BCKDHB: variants seen among roughly 807,000 people sequenced by gnomAD.
BCKDHB encodes branched chain keto acid dehydrogenase E1 subunit beta.
BCKDHB carries 41 observed loss-of-function variants against 48.5 expected under a neutral mutation model. The observed-to-expected ratio is 0.85, with a 90% CI of 0.66 to 1.10. The LOEUF (loss-of-function observed/expected upper bound fraction) is 1.10. Ranked by LOEUF, BCKDHB falls within the 50% of genes least tolerant of loss-of-function variation. The pLI is 0.00. For missense variants in BCKDHB, 496 were observed against 494.2 expected (o/e 1.00, Z -0.03); for synonymous variants, 201 against 174.8 (o/e 1.15, Z -1.18).
chr6:80,332,392 C>G lies in BCKDHB; in HGVS notation c.1039-11272C>G, dbSNP rs191522590. Among the ~76,000 whole-genome samples, 415 of 152,160 alleles carry G rather than the reference C, an allele frequency of 2.7e-3. 3 individuals are homozygous for G. The highest frequency in any genetic ancestry group is 4.0e-3 in the Non-Finnish European group (271 of 68,000). On this transcript the variant is annotated intron_variant, in intron 9 of 9. Coordinates refer to ENST00000320393, the MANE Select transcript of BCKDHB (RefSeq NM_183050.4). ...AAAAAAATGAATTTAATTTTATACTCGAGACATTTCTTTAAATACTCCTGA... is the reference window on the plus strand; with the variant it reads ...AAAAAAATGAATTTAATTTTATACTGGAGACATTTCTTTAAATACTCCTGA...
At position 80,167,763 on chromosome 6, in the gene BCKDHB, C is replaced by T. The variant is rs1582272242; in HGVS notation, c.429C>T (p.Ala143=). The change falls in exon 4 of 10, where the codon GCC becomes GCT. Residue 143 remains alanine (A), a synonymous_variant. Coordinates refer to ENST00000320393, the MANE Select transcript of BCKDHB (RefSeq NM_183050.4). ...GIGIAVTGAT[A]IAEIQFADYI... ...GAATTGCGGTCACTGGAGCTACTGC[C>T]ATTGCGGAAATTCAGTTTGCAGATT... is the stretch of plus-strand genomic sequence containing the variant. The T allele has an allele frequency of 1.2e-6, 2 of 1,613,792 alleles. No homozygotes were observed. Among genetic ancestry groups the T allele is most frequent in the East Asian group, 4.5e-5 (2 of 44,856 alleles).
At chr6:80,211,049 A>G (rs1241115723) in intron 8 of BCKDHB, among the ~76,000 whole-genome samples, 1 of 152,172 alleles carries the variant, frequency 6.6e-6, no homozygotes, top group Non-Finnish European at 1.5e-5. Context: ...TGATTTTGGC[A>G]GGAGAATAAA....
chr6:80,396,835 G>A, the BCKDHB span, among the ~76,000 whole-genome samples: 1 of 152,144 alleles, frequency 6.6e-6, no homozygotes, highest in East Asian at 1.9e-4. Context: ...AAGCCATGTG[G>A]AACTGTAAAT....
At chr6:80,352,151 G>GCTGTT in the BCKDHB span, among the ~76,000 whole-genome samples, 2 of 147,298 alleles carry the variant, frequency 1.4e-5, no homozygotes, top group Non-Finnish European at 3.0e-5. Flanking sequence ...TGTTGTTGTT[G>GCTGTT]TTTTTTTTTT....
intron 3 of BCKDHB, among the ~76,000 whole-genome samples, chr6:80,130,974 C>A (rs1350932050): frequency 5.9e-5 from 9 of 152,144 alleles, no homozygotes; most frequent in Admixed American, 5.2e-4. Context: ...ATTTATTCAA[C>A]TCACTGCGTC....
intron 8 of BCKDHB, among the ~76,000 whole-genome samples, chr6:80,247,024 A>G (rs1181378495): frequency 6.6e-6 from 1 of 152,172 alleles, no homozygotes. Context: ...AAACTGCTTT[A>G]ATATTCTCCT....
chr6:80,191,273 G>C (rs974670063), intron 6 of BCKDHB, among the ~76,000 whole-genome samples: 1 of 152,026 alleles, frequency 6.6e-6, no homozygotes, highest in African/African-American at 2.4e-5. Context: ...TGTATTCCCC[G>C]TATATCTTTC....
downstream of BCKDHB, among the ~76,000 whole-genome samples, chr6:80,350,419 G>A (rs1257447441): frequency 2.6e-5 from 4 of 151,460 alleles, no homozygotes; most frequent in Admixed American, 2.6e-4. Flanking sequence ...TACTGTATAT[G>A]TCTGTATCCT....
chr6:80,242,065 T>C (rs989086699), intron 8 of BCKDHB, among the ~76,000 whole-genome samples: 5 of 152,212 alleles, frequency 3.3e-5, no homozygotes, highest in Non-Finnish European at 7.3e-5. Flanking sequence ...TTTTCTGTGG[T>C]CAAATTTATT....
chr6:80,132,489 C>T (rs1417019576), intron 3 of BCKDHB, among the ~76,000 whole-genome samples: 1 of 152,140 alleles, frequency 6.6e-6, no homozygotes, highest in Non-Finnish European at 1.5e-5. Flanking sequence ...CCCTCTCTCA[C>T]ATTAATTATT....
intron 9 of BCKDHB, among the ~76,000 whole-genome samples, chr6:80,280,772 T>C (rs1467388271): frequency 1.3e-5 from 2 of 152,220 alleles, no homozygotes; most frequent in Non-Finnish European, 2.9e-5. Flanking sequence ...GTGATTAAAC[T>C]AGGTGAGATT....
At chr6:80,363,277 C>T in the BCKDHB span, among the ~76,000 whole-genome samples, 5 of 152,172 alleles carry the variant, frequency 3.3e-5, no homozygotes, top group African/African-American at 1.2e-4. Context: ...ACCTTTTCAA[C>T]GTCCCTATTC....
intron 7 of BCKDHB, 103 bp from the exon 8 acceptor site, chr6:80,202,999 T>G: frequency 1.2e-6 from 1 of 835,040 alleles, no homozygotes; most frequent in Non-Finnish European, 2.1e-6. Context: ...GATCAGTTCC[T>G]GAGACTTTAA....
intron 6 of BCKDHB, among the ~76,000 whole-genome samples, chr6:80,183,081 A>G (rs1773487204): frequency 6.6e-6 from 1 of 152,140 alleles, no homozygotes; most frequent in African/African-American, 2.4e-5. Flanking sequence ...ATATATGTGT[A>G]TGTAGAAGAA....
chr6:80,141,808 A>G (rs1447252747), intron 3 of BCKDHB, among the ~76,000 whole-genome samples: 1 of 152,104 alleles, frequency 6.6e-6, no homozygotes, highest in African/African-American at 2.4e-5. Flanking sequence ...TCTTTGTTTT[A>G]TATTTTCATT....
At chr6:80,282,589 TTGA>T (rs1287295632) in intron 9 of BCKDHB, among the ~76,000 whole-genome samples, 11 of 152,140 alleles carry the variant, frequency 7.2e-5, no homozygotes, top group African/African-American at 2.7e-4. Context: ...AAAAGAGTAG[TTGA>T]TAACATTGTA....
rs571862678 is a variant in BCKDHB, at chr6:80,319,529, C to T, written c.1039-24135C>T. ...TTTTTTAATTCATGCCAGCTTCTCC[C>T]TCTTACTTACGGTTTAGGAGTTGCC... On this transcript the variant is annotated intron_variant, in intron 9 of 9. Transcript: ENST00000320393. Among the ~76,000 whole-genome samples the T allele has an allele frequency of 1.1e-4, 17 of 152,300 alleles. No individual in the cohort carries two copies. The South Asian group carries it at 1.9e-3, about 17-fold the overall frequency.
chr6:80,198,948 G>A (rs1214684470), intron 6 of BCKDHB, among the ~76,000 whole-genome samples: 1 of 152,170 alleles, frequency 6.6e-6, no homozygotes, highest in Non-Finnish European at 1.5e-5. Context: ...CTGCAAAGAG[G>A]CCCTGGCAAC....
chr6:80,208,553 C>G (rs916380859), intron 8 of BCKDHB, among the ~76,000 whole-genome samples: 1 of 151,582 alleles, frequency 6.6e-6, no homozygotes, highest in Non-Finnish European at 1.5e-5. Flanking sequence ...AATTGATAAA[C>G]TTTTAACTAA....
Sources: allele counts gnomAD v4.1 joint callset (sites outside exome capture counted in the v4.1 genomes callset), GRCh38; gene constraint gnomAD v4.1.1; transcripts MANE v1.5; gene names NCBI Gene and HGNC (gene_info 2026-07-23, HGNC 2026-07-21).